The following CCDC7 variants were observed in gnomAD, a reference collection of about 807,000 sequenced individuals.
CCDC7 encodes the protein coiled-coil domain containing 7, also known as coiled-coil domain-containing protein 7.
In CCDC7, 183 loss-of-function variants were observed where a neutral mutation model predicts 196.9. The ratio of observed to expected loss-of-function variants is 0.93; its 90% CI spans 0.82 to 1.05. The LOEUF (loss-of-function observed/expected upper bound fraction) is 1.05. CCDC7 is among the 50% of genes least tolerant of loss of function. The pLI, the probability that CCDC7 is intolerant of heterozygous loss-of-function variation, is 0.00. For synonymous variants in CCDC7, 525 were observed against 484.6 expected, an observed-to-expected ratio of 1.08 and a Z score of -1.10; for missense variants, 1,540 against 1,482.2, an observed-to-expected ratio of 1.04 and a Z score of -0.64.
chr10:32,869,413 G>GTTGT (rs2094340076), intron 41 of CCDC7, among the ~76,000 whole-genome samples: 4 of 151,352 alleles, frequency 2.6e-5, no homozygotes, highest in East Asian at 1.9e-4. Context: ...TTTTGATGGG[G>GTTGT]TTGTTTTTTT....
intron 31 of CCDC7, 86 bp from the exon 33 acceptor site, chr10:32,824,432 A>G: frequency 4.1e-6 from 3 of 739,102 alleles, no homozygotes; most frequent in Non-Finnish European, 6.6e-6. Context: ...GAAGAATATT[A>G]ATTATGATAG....
intron 33 of CCDC7, among the ~76,000 whole-genome samples, chr10:32,842,270 A>C (rs2093024270): frequency 6.6e-6 from 1 of 152,042 alleles, no homozygotes. Flanking sequence ...ATCCCATCAA[A>C]AAGTGGGCTA....
intron 3 of CCDC7, among the ~76,000 whole-genome samples, chr10:32,461,757 ATATATATG>A (rs2035787579): frequency 2.9e-5 from 3 of 105,100 alleles, no homozygotes; most frequent in Non-Finnish European, 4.0e-5. Context: ...ATATACATAT[ATATATATG>A]CACATATGTA....
intron 17 of CCDC7, 88 bp downstream of exon 18, chr10:32,583,395 T>A (rs1361212408): frequency 1.2e-6 from 1 of 860,346 alleles, no homozygotes; most frequent in Non-Finnish European, 1.5e-6. Flanking sequence ...GGGTTAAAAA[T>A]TCAATATTTT....
At chr10:32,750,769 GTTTAC>G (rs1445788211) in intron 28 of CCDC7, among the ~76,000 whole-genome samples, 5 of 152,242 alleles carry the variant, frequency 3.3e-5, no homozygotes, top group African/African-American at 1.2e-4. Context: ...TGTCTTCTCA[GTTTAC>G]TTTGTTTGGC....
chr10:32,712,360 C>T (rs1243186872), intron 25 of CCDC7, among the ~76,000 whole-genome samples: 1 of 152,166 alleles, frequency 6.6e-6, no homozygotes, highest in Non-Finnish European at 1.5e-5. Flanking sequence ...GCACCATAGC[C>T]TTTACAGATT....
At chr10:32,669,069 A>G (rs2073477363) in intron 21 of CCDC7, among the ~76,000 whole-genome samples, 1 of 152,124 alleles carries the variant, frequency 6.6e-6, no homozygotes, top group African/African-American at 2.4e-5. Flanking sequence ...GTGAGGTACA[A>G]TCCTCCTATA....
In CCDC7 at chr10:32,652,281, C is replaced by G. The variant is rs573317175; in HGVS notation, c.2015-11773C>G. Among the ~76,000 whole-genome samples the G allele has an allele frequency of 1.0e-3, 153 of 152,078 alleles. 1 individual carries two copies. The highest frequency in any genetic ancestry group is 3.6e-3 in the African/African-American group (150 of 41,500). The stretch of plus-strand genomic sequence containing the variant: ...TTGGTTGGAAGATCTTTTTCCAACC[C>G]TTTTTTTCAGCTTATGCATGTCTTT... On this transcript the variant is annotated intron_variant, in intron 20 of 41. Coordinates refer to ENST00000639629, the Ensembl canonical transcript of CCDC7.
At chr10:32,666,586 C>T (rs2072793380) in intron 21 of CCDC7, among the ~76,000 whole-genome samples, 1 of 146,146 alleles carries the variant, frequency 6.8e-6, no homozygotes, top group African/African-American at 2.5e-5. Context: ...TCCAAGTGTT[C>T]TCATTGTTCA....
chr10:32,600,997 A>AT lies in CCDC7; in HGVS notation c.1801+16702dup, dbSNP rs200681925. On this transcript the variant is annotated intron_variant, in intron 18 of 41. Transcript: ENST00000639629. ...TTGCCAGGTATAGAATTCTTATTTG[A>AT]TTTTTTTTTCTTTTAGTACCTTAAG... 4.2e-4 allele frequency among the ~76,000 whole-genome samples: 63 copies of AT among 151,008 alleles called. No homozygotes were observed. In the East Asian group the frequency reaches 9.7e-3, roughly 23 times the overall value.
At position 32,500,838 on chromosome 10, in the gene CCDC7, A is replaced by G. The variant is rs549040735; in HGVS notation, c.872+8841A>G. 5.3e-5 allele frequency among the ~76,000 whole-genome samples: 8 copies of G among 152,332 alleles called. No individual in the cohort carries two copies. The East Asian group carries it at 1.6e-3, about 30-fold the overall frequency. ...GGCAGGCAGATCACTCGCGGTCAGG[A>G]GCTGGAGACCAGCCCGGCCAACACG... On this transcript the variant is annotated intron_variant, in intron 9 of 41. Coordinates refer to ENST00000639629, the Ensembl canonical transcript of CCDC7.
At chr10:32,730,192 C>A (rs1018944936) in intron 28 of CCDC7, among the ~76,000 whole-genome samples, 1 of 152,092 alleles carries the variant, frequency 6.6e-6, no homozygotes, top group Admixed American at 6.6e-5. Flanking sequence ...GGTTGTCCCC[C>A]ACATGTCCAT....
chr10:32,672,945 T>G (rs997971964), intron 21 of CCDC7, among the ~76,000 whole-genome samples: 6 of 152,184 alleles, frequency 3.9e-5, no homozygotes, highest in Admixed American at 3.9e-4. Flanking sequence ...CCTTATTTAT[T>G]TTTTAAACCA....
intron 13 of CCDC7, among the ~76,000 whole-genome samples, chr10:32,555,360 C>G (rs1186759297): frequency 6.6e-6 from 1 of 151,994 alleles, no homozygotes; most frequent in Non-Finnish European, 1.5e-5. Context: ...ATTCTCCTGC[C>G]TCAGCTTCCT....
intron 29 of CCDC7, among the ~76,000 whole-genome samples, chr10:32,796,034 C>T (rs1241588578): frequency 6.6e-6 from 1 of 152,160 alleles, no homozygotes; most frequent in East Asian, 1.9e-4. Flanking sequence ...AGTTACAGAG[C>T]AGTTTTGAGG....
chr10:32,842,822 A>G (rs2093053106), intron 33 of CCDC7, among the ~76,000 whole-genome samples: 1 of 152,072 alleles, frequency 6.6e-6, no homozygotes, highest in Admixed American at 6.6e-5. Context: ...GACTATTATT[A>G]TAAGTGAACT....
At chr10:32,507,681 C>T (rs543443095) in intron 9 of CCDC7, among the ~76,000 whole-genome samples, 1 of 151,772 alleles carries the variant, frequency 6.6e-6, no homozygotes, top group East Asian at 2.0e-4. Flanking sequence ...GAACTCCTGA[C>T]CTCAGGTGAT....
chr10:32,746,736 T>G (rs1021931948), intron 28 of CCDC7, among the ~76,000 whole-genome samples: 2 of 152,186 alleles, frequency 1.3e-5, no homozygotes, highest in Non-Finnish European at 2.9e-5. Context: ...AGAAAGCTTC[T>G]GCAGAGGGAC....
intron 29 of CCDC7, among the ~76,000 whole-genome samples, chr10:32,796,468 A>G (rs2083573301): frequency 6.6e-6 from 1 of 152,212 alleles, no homozygotes; most frequent in Non-Finnish European, 1.5e-5. Context: ...GGATAATGGC[A>G]TATCTTCTAT....
Sources: allele counts gnomAD v4.1 joint callset (sites outside exome capture counted in the v4.1 genomes callset), GRCh38; gene constraint gnomAD v4.1.1; transcripts MANE v1.5; gene names NCBI Gene and HGNC (gene_info 2026-07-23, HGNC 2026-07-21).